DPYSL5: variants seen among roughly 807,000 people sequenced by gnomAD.
DPYSL5 encodes the protein dihydropyrimidinase-related protein 5.
Under a neutral mutation model 58.4 loss-of-function variants are expected in DPYSL5, and 9 were observed. The ratio of observed to expected loss-of-function variants is 0.15; its 90% CI spans 0.09 to 0.27. The LOEUF is 0.27. Ranked by LOEUF, DPYSL5 falls within the 10% of genes least tolerant of loss-of-function variation. The probability of loss-of-function intolerance (pLI) is 1.00; values close to 1 mark genes in which losing one functional copy is unlikely to be tolerated. For synonymous variants in DPYSL5, 293 were observed against 301.9 expected (o/e 0.97, Z 0.31); for missense variants, 499 against 770.6 (o/e 0.65, Z 4.17).
chr2:26,912,165 G>A (rs188961037), intron 2 of DPYSL5, among the ~76,000 whole-genome samples: 30 of 152,324 alleles, frequency 2.0e-4, no homozygotes, highest in Admixed American at 1.9e-3. Context: ...GATCTTTGAA[G>A]GCCCCTCGGG....
rs1663428650 is a variant in DPYSL5 at position 26,877,014 on chromosome 2, T to C, written c.-4-21482T>C. On this transcript the variant is annotated intron_variant, in intron 1 of 12. Coordinates refer to ENST00000288699, the MANE Select transcript of DPYSL5 (RefSeq NM_020134.4). This position sits in a 1 kb window ranked among gnomAD's most constrained non-coding sequence, Gnocchi z 4.1. ...CGAAGTCTCGCTCTTGTCCCCTGGC[T>C]GGAGTGCAATGGCGTGATCTTGGCT... Among the ~76,000 whole-genome samples the C allele has an allele frequency of 6.8e-6, 1 of 147,524 alleles. No homozygotes were observed. The highest frequency in any genetic ancestry group is 7.0e-5 in the Admixed American group (1 of 14,382).
intron 1 of DPYSL5, among the ~76,000 whole-genome samples, chr2:26,896,474 A>G (rs1664023480): frequency 1.3e-5 from 2 of 152,212 alleles, no homozygotes; most frequent in South Asian, 4.1e-4. Context: ...TGTTTTCCAT[A>G]ATGGCTATAC....
At chr2:26,891,700 T>G (rs1157167167) in intron 1 of DPYSL5, among the ~76,000 whole-genome samples, 1 of 151,970 alleles carries the variant, frequency 6.6e-6, no homozygotes, top group Non-Finnish European at 1.5e-5. Flanking sequence ...TTAGACAGAG[T>G]CTCGCTCTGT....
intron 1 of DPYSL5, among the ~76,000 whole-genome samples, chr2:26,859,149 T>C (rs1665951556): frequency 6.6e-6 from 1 of 152,220 alleles, no homozygotes; most frequent in African/African-American, 2.4e-5. Context: ...ATGTACTAGA[T>C]TCCATTTTTT....
chr2:26,902,116 T>C (rs954623693), intron 2 of DPYSL5, among the ~76,000 whole-genome samples: 2 of 152,040 alleles, frequency 1.3e-5, no homozygotes, highest in African/African-American at 4.8e-5. Flanking sequence ...GACCACCTGC[T>C]GGCTAACAAT....
At chr2:26,929,463 C>T (rs924694543) in intron 5 of DPYSL5, among the ~76,000 whole-genome samples, 4 of 152,174 alleles carry the variant, frequency 2.6e-5, no homozygotes, top group Non-Finnish European at 5.9e-5. Context: ...AACTCCTGAC[C>T]TCAAGTGATC....
chr2:26,864,116 G>A (rs532653925), intron 1 of DPYSL5, among the ~76,000 whole-genome samples: 58 of 152,112 alleles, frequency 3.8e-4, no homozygotes, highest in Non-Finnish European at 6.5e-4. Flanking sequence ...GTAGTGGTGC[G>A]CGCCTGTAGT....
chr2:26,910,787 A>G (rs1232002640), intron 2 of DPYSL5, among the ~76,000 whole-genome samples: 1 of 151,622 alleles, frequency 6.6e-6, no homozygotes, highest in African/African-American at 2.4e-5. Flanking sequence ...ATTACAAGCC[A>G]TTTATTAGAT....
chr2:26,892,915 A>C (rs1475608888), intron 1 of DPYSL5, among the ~76,000 whole-genome samples: 1 of 152,188 alleles, frequency 6.6e-6, no homozygotes, highest in African/African-American at 2.4e-5. Context: ...GTTTTAGGAC[A>C]AAAGATCCCT....
intron 1 of DPYSL5, among the ~76,000 whole-genome samples, chr2:26,863,350 G>GC (rs1205059316): frequency 3.3e-5 from 5 of 152,082 alleles, no homozygotes; most frequent in African/African-American, 9.7e-5. Context: ...GTCTTGACCT[G>GC]CCCCCCAGGC....
At chr2:26,856,057 G>A (rs1441853015) in intron 1 of DPYSL5, among the ~76,000 whole-genome samples, 1 of 152,052 alleles carries the variant, frequency 6.6e-6, no homozygotes, top group Non-Finnish European at 1.5e-5. Context: ...CTTTTGGGGG[G>A]TACAGTGGCT....
intron 1 of DPYSL5, among the ~76,000 whole-genome samples, chr2:26,854,510 G>T (rs1195068951): frequency 6.6e-6 from 1 of 152,100 alleles, no homozygotes; most frequent in Admixed American, 6.5e-5. Context: ...AACCATAAAA[G>T]GATCCATGCC....
chr2:26,931,771 G>C, intron 6 of DPYSL5, 87 bp downstream of exon 6: 5 of 1,427,826 alleles, frequency 3.5e-6, no homozygotes, highest in Non-Finnish European at 4.9e-6. Flanking sequence ...ACTTTGGGAG[G>C]CCGAGGTGCG....
chr2:26,934,456 C>T lies in DPYSL5; in HGVS notation c.791-122C>T. 3 of 1,208,294 alleles carry T rather than the reference C, an allele frequency of 2.5e-6. No homozygotes were observed. The highest frequency in any genetic ancestry group is 3.4e-6 in the Non-Finnish European group (3 of 873,330). The allele number at this position is 1,208,294 out of a possible 1,614,324, so 74.8% of individuals were successfully genotyped here. ...GCTGTGCTCTTAAAAGCCCTGTGAG[C>T]TTGGGCAGGTCCCTTCCTGTCTCTG... On this transcript the variant is annotated intron_variant, in intron 7 of 12. Coordinates refer to ENST00000288699, the MANE Select transcript of DPYSL5 (RefSeq NM_020134.4). This position sits in a 1 kb window ranked among gnomAD's most constrained non-coding sequence, Gnocchi z 4.3.
intron 2 of DPYSL5, among the ~76,000 whole-genome samples, chr2:26,899,810 C>T (rs1664109324): frequency 6.6e-6 from 1 of 152,218 alleles, no homozygotes; most frequent in African/African-American, 2.4e-5. Flanking sequence ...ATCAGGGCTA[C>T]ACCTGCTCAC....
chr2:26,880,624 C>T (rs927198937), intron 1 of DPYSL5, among the ~76,000 whole-genome samples: 9 of 152,218 alleles, frequency 5.9e-5, no homozygotes, highest in Admixed American at 3.9e-4. Flanking sequence ...TGCCTACCTC[C>T]GCCTCCCCTC....
intron 1 of DPYSL5, among the ~76,000 whole-genome samples, chr2:26,858,427 T>C (rs1665932473): frequency 6.6e-6 from 1 of 152,172 alleles, no homozygotes; most frequent in Non-Finnish European, 1.5e-5. Flanking sequence ...CGCCTCGGCC[T>C]CCCAAAGTGC....
At chr2:26,909,813 G>A (rs1434434517) in intron 2 of DPYSL5, among the ~76,000 whole-genome samples, 1 of 151,962 alleles carries the variant, frequency 6.6e-6, no homozygotes, top group Admixed American at 6.6e-5. Context: ...TCCACTGTTG[G>A]GAAGAATATG....
chr2:26,896,423 T>C (rs1297182780), intron 1 of DPYSL5, among the ~76,000 whole-genome samples: 4 of 152,232 alleles, frequency 2.6e-5, no homozygotes, highest in African/African-American at 9.6e-5. Context: ...TGCTGGACCA[T>C]ATAGTAGTTC....
Sources: allele counts gnomAD v4.1 joint callset (sites outside exome capture counted in the v4.1 genomes callset), GRCh38; gene constraint gnomAD v4.1.1; non-coding constraint Gnocchi (gnomAD v3.1); transcripts MANE v1.5; gene names NCBI Gene and HGNC (gene_info 2026-07-23, HGNC 2026-07-21).